The following THSD7B variants were observed in gnomAD, a reference collection of about 807,000 sequenced individuals.
The protein encoded by THSD7B is thrombospondin type 1 domain containing 7B.
THSD7B carries 138 observed loss-of-function variants against 213.6 expected under a neutral mutation model. That is an observed-to-expected ratio of 0.65 (90% CI 0.56 to 0.74). THSD7B has a LOEUF of 0.74. Ranked by LOEUF, THSD7B falls within the 30% of genes least tolerant of loss-of-function variation. THSD7B has a pLI of 0.00. For missense variants in THSD7B, 1,931 were observed against 1,991.5 expected, an observed-to-expected ratio of 0.97 and a Z score of 0.58; for synonymous variants, 742 against 687.0, an observed-to-expected ratio of 1.08 and a Z score of -1.25.
At chr2:136,858,544 A>T (rs1337238151) in intron 1 of THSD7B, among the ~76,000 whole-genome samples, 1 of 152,190 alleles carries the variant, frequency 6.6e-6, no homozygotes, top group Non-Finnish European at 1.5e-5. Flanking sequence ...CACTATTTAG[A>T]TAGTGATACT....
At chr2:137,079,354 C>G (rs73958327) in intron 3 of THSD7B, among the ~76,000 whole-genome samples, 14,415 of 151,970 alleles carry the variant, frequency 0.095, 914 homozygotes, top group African/African-American at 0.18. Context: ...ATGTTTCTTT[C>G]TATTTTTCCA....
At chr2:137,080,076 A>G (rs1458176816) in intron 3 of THSD7B, among the ~76,000 whole-genome samples, 1 of 152,078 alleles carries the variant, frequency 6.6e-6, no homozygotes, top group Non-Finnish European at 1.5e-5. Context: ...TGCTGACCTC[A>G]GGTGATCCAC....
intron 14 of THSD7B, among the ~76,000 whole-genome samples, chr2:137,416,295 A>C (rs763941194): frequency 1.3e-5 from 2 of 152,170 alleles, no homozygotes; most frequent in Non-Finnish European, 2.9e-5. Context: ...CTCTTTATGT[A>C]GCAGCTCCTC....
chr2:136,930,376 T>C (rs1684606543), intron 2 of THSD7B, among the ~76,000 whole-genome samples: 1 of 152,160 alleles, frequency 6.6e-6, no homozygotes, highest in Non-Finnish European at 1.5e-5. Flanking sequence ...GACTGTTAAG[T>C]ATCCCAGAAG....
chr2:136,853,643 C>A (rs1420923113), intron 1 of THSD7B, among the ~76,000 whole-genome samples: 2 of 152,056 alleles, frequency 1.3e-5, no homozygotes, highest in African/African-American at 4.8e-5. Context: ...GAGATACTGC[C>A]GTATTATGCC....
intron 10 of THSD7B, among the ~76,000 whole-genome samples, chr2:137,248,712 A>G (rs1362101746): frequency 1.3e-5 from 2 of 152,096 alleles, no homozygotes; most frequent in Non-Finnish European, 2.9e-5. Flanking sequence ...TTTGTTCCCA[A>G]ATAATAGAGG....
At chr2:136,921,821 C>G (rs1364805805) in intron 2 of THSD7B, among the ~76,000 whole-genome samples, 2 of 152,142 alleles carry the variant, frequency 1.3e-5, no homozygotes, top group African/African-American at 4.8e-5. Flanking sequence ...TTCACTCTCC[C>G]TAGATTGTGG....
chr2:137,345,360 A>G (rs1401471908), intron 12 of THSD7B, among the ~76,000 whole-genome samples: 1 of 151,672 alleles, frequency 6.6e-6, no homozygotes, highest in Non-Finnish European at 1.5e-5. Flanking sequence ...GTACCTTCAG[A>G]GACATAAGGA....
intron 7 of THSD7B, among the ~76,000 whole-genome samples, chr2:137,171,235 T>G (rs1680244852): frequency 6.6e-6 from 1 of 152,190 alleles, no homozygotes; most frequent in African/African-American, 2.4e-5. Context: ...ATCTCTTGGA[T>G]AGTGTTCAAC....
At chr2:136,998,413 C>A (rs1685936979) in intron 2 of THSD7B, among the ~76,000 whole-genome samples, 3 of 152,020 alleles carry the variant, frequency 2.0e-5, no homozygotes, top group Admixed American at 6.6e-5. Flanking sequence ...AAATTTCAAC[C>A]CACTACTCAC....
chr2:136,811,797 C>T (rs1682381065), intron 1 of THSD7B, among the ~76,000 whole-genome samples: 1 of 152,166 alleles, frequency 6.6e-6, no homozygotes, highest in South Asian at 2.1e-4. Flanking sequence ...TTCTACATGG[C>T]AGCACAGGGG....
chr2:137,466,658 A>G (rs1194160262), intron 15 of THSD7B, among the ~76,000 whole-genome samples: 2 of 152,100 alleles, frequency 1.3e-5, no homozygotes, highest in African/African-American at 2.4e-5. Context: ...TCAAATATAC[A>G]TGAAACCAGT....
intron 1 of THSD7B, among the ~76,000 whole-genome samples, chr2:136,853,506 G>A (rs890887021): frequency 2.0e-5 from 3 of 152,104 alleles, no homozygotes; most frequent in African/African-American, 7.2e-5. Flanking sequence ...AATCTCAGGA[G>A]GCACACAATG....
chr2:137,451,528 A>T (rs1687652396), intron 15 of THSD7B, among the ~76,000 whole-genome samples: 1 of 151,938 alleles, frequency 6.6e-6, no homozygotes, highest in South Asian at 2.1e-4. Flanking sequence ...CAACTCTATA[A>T]ATCTCTTTTG....
intron 17 of THSD7B, among the ~76,000 whole-genome samples, chr2:137,583,400 C>G (rs540258069): frequency 1.3e-5 from 2 of 152,054 alleles, no homozygotes; most frequent in African/African-American, 4.8e-5. Context: ...GTTTTAGACA[C>G]GAAGTCCTTG....
intron 5 of THSD7B, among the ~76,000 whole-genome samples, chr2:137,125,979 G>A (rs1443934550): frequency 6.6e-6 from 1 of 152,110 alleles, no homozygotes; most frequent in South Asian, 2.1e-4. Flanking sequence ...TGAGCAGTAG[G>A]CCTCAACAGT....
At chr2:136,908,874 A>G (rs1684213010) in intron 2 of THSD7B, among the ~76,000 whole-genome samples, 1 of 152,132 alleles carries the variant, frequency 6.6e-6, no homozygotes, top group South Asian at 2.1e-4. Context: ...AACAGGAAGG[A>G]TTAATTAAAA....
chr2:137,360,025 T>C (rs895835103), intron 12 of THSD7B, among the ~76,000 whole-genome samples: 1 of 152,212 alleles, frequency 6.6e-6, no homozygotes, highest in Non-Finnish European at 1.5e-5. Context: ...CCATATTAAA[T>C]GGGCAACTGC....
chr2:137,034,477 T>A (rs2104855564), intron 2 of THSD7B, among the ~76,000 whole-genome samples: 1 of 152,278 alleles, frequency 6.6e-6, no homozygotes, highest in Middle Eastern at 3.4e-3. Context: ...GCAGGTTTTT[T>A]ACATAGGTAT....
Sources: gnomAD v4.1 joint callset for allele counts (sites outside exome capture counted in the v4.1 genomes callset) on GRCh38, gnomAD v4.1.1 for gene constraint, MANE v1.5 for transcripts, NCBI Gene and HGNC (gene_info 2026-07-23, HGNC 2026-07-21) for gene names.